NUDT3: variants seen among roughly 807,000 people sequenced by gnomAD.
The protein encoded by NUDT3 is nudix hydrolase 3, also known as diphosphoinositol polyphosphate phosphohydrolase 1.
NUDT3 carries 9 observed loss-of-function variants against 23.6 expected under a neutral mutation model. The ratio of observed to expected loss-of-function variants is 0.38; its 90% CI spans 0.23 to 0.66. The LOEUF is 0.66. Ranked by LOEUF, NUDT3 falls within the 30% of genes least tolerant of loss-of-function variation. NUDT3 has a pLI of 0.52. For missense variants in NUDT3, 172 were observed against 218.5 expected, an observed-to-expected ratio of 0.79 and a Z score of 1.34; for synonymous variants, 86 against 82.6, an observed-to-expected ratio of 1.04 and a Z score of -0.22.
At chr6:34,372,266 G>C (rs1764844309) in intron 1 of NUDT3, among the ~76,000 whole-genome samples, 1 of 152,084 alleles carries the variant, frequency 6.6e-6, no homozygotes, top group South Asian at 2.1e-4. Flanking sequence ...CCCAGTAATG[G>C]GATGGCTGGG....
chr6:34,362,080 G>A (rs1362935817), intron 1 of NUDT3, among the ~76,000 whole-genome samples: 1 of 152,214 alleles, frequency 6.6e-6, no homozygotes, highest in African/African-American at 2.4e-5. Flanking sequence ...GAGATTGCCT[G>A]TGGAGGCAGG....
At chr6:34,375,536 A>G (rs907987315) in intron 1 of NUDT3, among the ~76,000 whole-genome samples, 2 of 152,050 alleles carry the variant, frequency 1.3e-5, no homozygotes, top group Non-Finnish European at 2.9e-5. Flanking sequence ...TCCTGACCAC[A>G]CCACAGTAAC....
rs1344700236 is a variant in NUDT3, at chr6:34,284,658, C to T, written c.*4095G>A. ...AATGTACACTCAGGTCTAACAAATACCTATTATTTCTCTGGTTAAGAAGGT... is the reference window on the plus strand; with the variant it reads ...AATGTACACTCAGGTCTAACAAATATCTATTATTTCTCTGGTTAAGAAGGT... On this transcript the variant is annotated 3_prime_UTR_variant, in exon 5 of 5. Coordinates refer to ENST00000607016, the MANE Select transcript of NUDT3 (RefSeq NM_006703.4). 1 of 150,816 alleles carries T rather than the reference C, an allele frequency of 6.6e-6. No individual in the cohort carries two copies. The highest frequency in any genetic ancestry group is 1.5e-5 in the Non-Finnish European group (1 of 67,864). 9.3% of individuals were successfully genotyped at this position (150,816 alleles called of 1,614,324 possible). A position where few individuals can be genotyped will look rare whatever the true frequency, so the allele number is the denominator to read the frequency against.
In NUDT3 at chr6:34,285,856, C is replaced by G. The variant is rs1307225553; in HGVS notation, c.*2897G>C. ...GATGTTGGACAAAGCCTCTTTTTGTCAGTTAAGAAAGCGTAAGCACAATCT... is the reference window on the plus strand; with the variant it reads ...GATGTTGGACAAAGCCTCTTTTTGTGAGTTAAGAAAGCGTAAGCACAATCT... On this transcript the variant is annotated 3_prime_UTR_variant, in exon 5 of 5. Transcript: ENST00000607016. 6.6e-6 allele frequency: 1 copy of G among 152,164 alleles called. No individual in the cohort carries two copies. Among genetic ancestry groups the G allele is most frequent in the Non-Finnish European group, 1.5e-5 (1 of 68,036 alleles). 9.4% of individuals were successfully genotyped at this position (152,164 alleles called of 1,614,324 possible).
chr6:34,356,744 T>C (rs1158299029), intron 1 of NUDT3, among the ~76,000 whole-genome samples: 1 of 152,202 alleles, frequency 6.6e-6, no homozygotes. Flanking sequence ...GTTTTCTATA[T>C]AATTATTTTT....
intron 1 of NUDT3, among the ~76,000 whole-genome samples, chr6:34,375,305 T>C (rs777676236): frequency 2.0e-5 from 3 of 151,820 alleles, no homozygotes; most frequent in Non-Finnish European, 4.4e-5. Context: ...GATCGTGCCA[T>C]TGCACTCCAG....
rs1311764147 is a variant in NUDT3, at chr6:34,309,089, C to G, written c.211-13404G>C. Among the ~76,000 whole-genome samples the G allele has an allele frequency of 2.0e-5, 3 of 152,038 alleles. 1 individual carries two copies. Among genetic ancestry groups the G allele is most frequent in the South Asian group, 4.1e-4 (2 of 4,820 alleles). ...TCAGACCACAATGGAGTTAAGAAAT[C>G]AATCAATTTGGCTGGGGACAGTGGC... On this transcript the variant is annotated intron_variant, in intron 2 of 4. Transcript: ENST00000607016.
In NUDT3 at chr6:34,353,926, T is replaced by C. The variant is rs546817072; in HGVS notation, c.100-11954A>G. 9.2e-5 allele frequency among the ~76,000 whole-genome samples: 14 copies of C among 151,926 alleles called. 1 individual carries two copies. The East Asian group carries it at 2.7e-3, about 29-fold the overall frequency. ...TGCCCAGGCTAGTCTTTTTCTTTTT[T>C]TTTTGAGACAGAGTTGCCCAAGCTG... On this transcript the variant is annotated intron_variant, in intron 1 of 4. Coordinates refer to ENST00000607016, the MANE Select transcript of NUDT3 (RefSeq NM_006703.4).
intron 2 of NUDT3, among the ~76,000 whole-genome samples, chr6:34,312,985 G>A (rs1385351867): frequency 6.6e-6 from 1 of 152,004 alleles, no homozygotes; most frequent in East Asian, 1.9e-4. Context: ...TGGCCAACAT[G>A]GCGAAACCCC....
chr6:34,310,005 G>C lies in NUDT3; in HGVS notation c.211-14320C>G, dbSNP rs1561902602. Among the ~76,000 whole-genome samples the C allele has an allele frequency of 3.9e-5, 6 of 152,166 alleles. No individual in the cohort carries two copies. The South Asian group carries it at 1.0e-3, about 26-fold the overall frequency. The stretch of plus-strand genomic sequence containing the variant: ...CCTAGCACTTTGGGACGCTGAGGTG[G>C]GAGGACTGCTTGAGGCCAGAAGTTT... On this transcript the variant is annotated intron_variant, in intron 2 of 4. Transcript: ENST00000607016.
chr6:34,324,652 G>T (rs1270552239), intron 2 of NUDT3, among the ~76,000 whole-genome samples: 1 of 152,142 alleles, frequency 6.6e-6, no homozygotes, highest in Non-Finnish European at 1.5e-5. Context: ...AACTAAAATG[G>T]TCACTAACAC....
At chr6:34,358,258 T>TACACAC (rs71538235) in intron 1 of NUDT3, among the ~76,000 whole-genome samples, 16,984 of 144,542 alleles carry the variant, frequency 0.12, 1,564 homozygotes, top group East Asian at 0.3. Context: ...ATGAGTAGTT[T>TACACAC]ACACACACAC....
At chr6:34,304,975 ATTTTTTT>A (rs535349190) in intron 2 of NUDT3, among the ~76,000 whole-genome samples, 46 of 85,352 alleles carry the variant, frequency 5.4e-4, no homozygotes, top group Non-Finnish European at 7.5e-4. Flanking sequence ...CCCGGTCTGA[ATTTTTTT>A]TTTTTTTTTT....
rs1001019669 is a variant in NUDT3, at chr6:34,287,137, A to G, written c.*1616T>C. On this transcript the variant is annotated 3_prime_UTR_variant, in exon 5 of 5. Transcript: ENST00000607016. ...TGTTCCCAAAAGTGCTGAACACTAA[A>G]TGACACAGGGCTATGAGGTACATAC... is the stretch of plus-strand genomic sequence containing the variant. The G allele has an allele frequency of 6.6e-6, 1 of 152,246 alleles. No individual in the cohort carries two copies. The highest frequency in any genetic ancestry group is 1.5e-5 in the Non-Finnish European group (1 of 68,040). 9.4% of individuals were successfully genotyped at this position (152,246 alleles called of 1,614,324 possible).
At chr6:34,295,170 CTTCT>C (rs995399725) in intron 3 of NUDT3, among the ~76,000 whole-genome samples, 9 of 151,652 alleles carry the variant, frequency 5.9e-5, no homozygotes, top group Non-Finnish European at 1.2e-4. Context: ...ATGGGATTTC[CTTCT>C]TTCTTTCTTT....
chr6:34,283,095 C>A lies in NUDT3; in HGVS notation c.*5658G>T, dbSNP rs1278473745. 6.6e-6 allele frequency: 1 copy of A among 152,160 alleles called. No homozygotes were observed. The highest frequency in any genetic ancestry group is 1.5e-5 in the Non-Finnish European group (1 of 68,042). 9.4% of individuals were successfully genotyped at this position (152,160 alleles called of 1,614,324 possible). A position where few individuals can be genotyped will look rare whatever the true frequency, so the allele number is the denominator to read the frequency against. The stretch of plus-strand genomic sequence containing the variant: ...ACAAAGCTTCAGGGAAGAGACATAA[C>A]CTTACTTCAAAAGCTTCAGGTCAGA... On this transcript the variant is annotated 3_prime_UTR_variant, in exon 5 of 5. Coordinates refer to ENST00000607016, the MANE Select transcript of NUDT3 (RefSeq NM_006703.4).
Position 34,322,269 on chromosome 6 carries a change from C to A in NUDT3, c.210+19593G>T, listed in dbSNP as rs901836303. Among the ~76,000 whole-genome samples, 16 of 150,896 alleles carry A rather than the reference C, an allele frequency of 1.1e-4. No individual in the cohort carries two copies. The East Asian group carries it at 1.9e-3, about 18-fold the overall frequency. ...TTTTTGAGATGGAGTTTCGCTCTGT[C>A]GCCCAGGCTGGAGTGCAGTGGCACG... On this transcript the variant is annotated intron_variant, in intron 2 of 4. Transcript: ENST00000607016.
Position 34,297,751 on chromosome 6 carries a change from ATATATATAATTTT to A in NUDT3, c.211-2079_211-2067del, listed in dbSNP as rs1561899094. On this transcript the variant is annotated intron_variant, in intron 2 of 4. Transcript: ENST00000607016. The stretch of plus-strand genomic sequence containing the variant: ...AAAAAATATATATATATATATATAT[ATATATATAATTTT>A]TTTTTTTTTTTTAGTAGAGACGGGG... 6.0e-4 allele frequency among the ~76,000 whole-genome samples: 60 copies of A among 99,742 alleles called. 1 individual carries two copies. The highest frequency in any genetic ancestry group is 4.6e-3 in the Middle Eastern group (1 of 216). 65.4% of individuals were successfully genotyped at this position (99,742 alleles called of 152,430 possible).
chr6:34,389,963 C>CAA (rs112723844), intron 1 of NUDT3, among the ~76,000 whole-genome samples: 1 of 128,234 alleles, frequency 7.8e-6, no homozygotes, highest in Admixed American at 7.8e-5. Context: ...GACTCTGTCT[C>CAA]AAAAAAAAAA....
Sources: gnomAD v4.1 joint callset for allele counts (sites outside exome capture counted in the v4.1 genomes callset) on GRCh38, gnomAD v4.1.1 for gene constraint, MANE v1.5 for transcripts, NCBI Gene and HGNC (gene_info 2026-07-23, HGNC 2026-07-21) for gene names.